The following ARFGEF2 variants were observed in gnomAD, a reference collection of about 807,000 sequenced individuals.
The protein encoded by ARFGEF2 is ARF guanine nucleotide exchange factor 2.
In ARFGEF2, 74 loss-of-function variants were observed where a neutral mutation model predicts 219.9. That is an observed-to-expected ratio of 0.34 (90% CI 0.28 to 0.41). The LOEUF is 0.41. ARFGEF2 is among the 10% of genes least tolerant of loss of function. ARFGEF2 has a pLI of 1.00. For synonymous variants in ARFGEF2, 733 were observed against 799.2 expected (o/e 0.92, Z 1.40); for missense variants, 1,743 against 2,218.3 (o/e 0.79, Z 4.30).
In ARFGEF2 at chr20:48,978,916, C is replaced by T. The variant is rs1453802367; in HGVS notation, c.1958+2717C>T. Reference sequence around the variant, plus strand: ...TCTAAACATACAATCATGTCATCTGCAAACAGGGACAATTTGACTTCCTCT... The same window carrying T: ...TCTAAACATACAATCATGTCATCTGTAAACAGGGACAATTTGACTTCCTCT... On this transcript the variant is annotated intron_variant, in intron 14 of 38. Coordinates refer to ENST00000371917, the MANE Select transcript of ARFGEF2 (RefSeq NM_006420.3). 2.0e-5 allele frequency among the ~76,000 whole-genome samples: 3 copies of T among 152,182 alleles called. No individual in the cohort carries two copies. The East Asian group carries it at 5.8e-4, about 29-fold the overall frequency.
intron 1 of ARFGEF2, among the ~76,000 whole-genome samples, chr20:48,929,126 TACTTG>T (rs1431134562): frequency 6.6e-6 from 1 of 152,240 alleles, no homozygotes. Flanking sequence ...GCCAGGAAAA[TACTTG>T]ACTTTCTTTC....
At chr20:48,957,018 G>T (rs1033196572) in intron 6 of ARFGEF2, among the ~76,000 whole-genome samples, 1 of 152,206 alleles carries the variant, frequency 6.6e-6, no homozygotes, top group Non-Finnish European at 1.5e-5. Context: ...AGAGAACAGG[G>T]ATGTGGGGAG....
intron 10 of ARFGEF2, among the ~76,000 whole-genome samples, chr20:48,971,782 TC>T (rs2091229775): frequency 6.6e-6 from 1 of 151,932 alleles, no homozygotes; most frequent in Admixed American, 6.6e-5. Flanking sequence ...GCGCCTGTAG[TC>T]CCAGCTACTC....
intron 4 of ARFGEF2, 34 bp downstream of exon 4, chr20:48,951,503 A>T: frequency 6.2e-7 from 1 of 1,613,898 alleles, no homozygotes; most frequent in Non-Finnish European, 8.5e-7. Context: ...TGGTTTTTAA[A>T]TTAGAAAGCA....
chr20:49,020,335 G>T (rs1206067112), intron 34 of ARFGEF2, among the ~76,000 whole-genome samples: 1 of 152,232 alleles, frequency 6.6e-6, no homozygotes, highest in African/African-American at 2.4e-5. Context: ...AATAAAAGTA[G>T]TCACCCTTGA....
Position 49,012,047 on chromosome 20 carries a change from T to C in ARFGEF2, c.3881T>C (p.Ile1294Thr). 6.2e-7 allele frequency: 1 copy of C among 1,614,136 alleles called. No individual in the cohort carries two copies. Reference sequence around the variant, plus strand: ...ACGAGCATGGAAGCGATTCGGCTCATCCGCTTCTGTGGCAAATACGTCTCT... The same window carrying C: ...ACGAGCATGGAAGCGATTCGGCTCACCCGCTTCTGTGGCAAATACGTCTCT... ...PDTSMEAIRL[I>T]RFCGKYVSER... The change falls in exon 28 of 39, where the codon ATC becomes ACC. Residue 1294 changes from isoleucine to threonine, a missense_variant. This residue lies in a region of ARFGEF2 where 578 missense variants were observed against 664.0 expected (regional missense o/e 0.87). Transcript: ENST00000371917.
intron 16 of ARFGEF2, 104 bp downstream of exon 16, chr20:48,985,717 A>G (rs2091323102): frequency 4.0e-6 from 5 of 1,263,236 alleles, no homozygotes; most frequent in South Asian, 2.6e-5. Context: ...GTGCCAAGCA[A>G]CTGAAGCTTT....
chr20:48,932,229 C>T (rs192697343), intron 1 of ARFGEF2, among the ~76,000 whole-genome samples: 1 of 152,232 alleles, frequency 6.6e-6, no homozygotes, highest in East Asian at 1.9e-4. Flanking sequence ...TGTAGGTTTG[C>T]TAACAGCAAG....
chr20:48,981,909 C>A, intron 14 of ARFGEF2, among the ~76,000 whole-genome samples: 1 of 152,148 alleles, frequency 6.6e-6, no homozygotes, highest in African/African-American at 2.4e-5. Flanking sequence ...TTCTTAGCTT[C>A]CTTGCGATGG....
intron 26 of ARFGEF2, among the ~76,000 whole-genome samples, chr20:49,009,720 C>T (rs903922839): frequency 1.3e-5 from 2 of 151,996 alleles, no homozygotes; most frequent in Non-Finnish European, 2.9e-5. Context: ...TACTCCAATC[C>T]ACATATATGT....
chr20:48,927,759 G>A (rs1185264021), intron 1 of ARFGEF2, among the ~76,000 whole-genome samples: 4 of 151,902 alleles, frequency 2.6e-5, no homozygotes, highest in Non-Finnish European at 5.9e-5. Context: ...GCAGAATAAA[G>A]CCTTTAATTT....
At chr20:49,001,162 G>A (rs2091422845) in intron 25 of ARFGEF2, among the ~76,000 whole-genome samples, 1 of 145,430 alleles carries the variant, frequency 6.9e-6, no homozygotes, top group Admixed American at 7.3e-5. Flanking sequence ...CCAGGTTCAA[G>A]CTATTCTCCT....
intron 35 of ARFGEF2, 46 bp downstream of exon 35, chr20:49,023,227 G>T: frequency 6.2e-7 from 1 of 1,611,746 alleles, no homozygotes; most frequent in Non-Finnish European, 8.5e-7. Context: ...CCATAGGGAG[G>T]TTGCTTTGAT....
chr20:49,033,182 C>T lies in ARFGEF2; in HGVS notation c.5341C>T (p.Leu1781=). 1 of 1,614,230 alleles carries T rather than the reference C, an allele frequency of 6.2e-7. No homozygotes were observed. The highest frequency in any genetic ancestry group is 1.1e-5 in the South Asian group (1 of 91,090). ...AGAGCCATCACAGGTACCAGCAGCA[C>T]TGTCACCAGTGTGGTAGCCCTGGCT... is the stretch of plus-strand genomic sequence containing the variant. ...PEEPSQVPAA[L]SPVW Residue 1781 remains leucine (L), a synonymous_variant, in exon 39 of 39, where the codon CTG becomes TTG. Coordinates refer to ENST00000371917, the MANE Select transcript of ARFGEF2 (RefSeq NM_006420.3).
chr20:48,985,520 C>T lies in ARFGEF2; in HGVS notation c.2183C>T (p.Thr728Ile). The T allele has an allele frequency of 6.2e-7, 1 of 1,614,200 alleles. No individual in the cohort carries two copies. Among genetic ancestry groups the T allele is most frequent in the Non-Finnish European group, 8.5e-7 (1 of 1,180,044 alleles). ...AAAGAATTTGTCTCAGCCCTGCGGA[C>T]ATTCCTAGAAGGTTTCCGCCTACCT... ...CEKEFVSALR[T>I]FLEGFRLPGE... The change falls in exon 16 of 39, where the codon ACA becomes ATA. Residue 728 changes from threonine (T) to isoleucine (I), a missense_variant. Coordinates refer to ENST00000371917, the MANE Select transcript of ARFGEF2 (RefSeq NM_006420.3).
chr20:48,942,112 G>GT (rs1203709303), intron 3 of ARFGEF2, 125 bp downstream of exon 3: 8 of 1,289,514 alleles, frequency 6.2e-6, no homozygotes, highest in Non-Finnish European at 8.7e-6. Context: ...GAAAGGAGCA[G>GT]TTTAACGTAT....
chr20:48,969,419 T>C, intron 9 of ARFGEF2, 142 bp downstream of exon 9: 3 of 1,473,542 alleles, frequency 2.0e-6, no homozygotes, highest in South Asian at 1.2e-5. Context: ...TTTACAACTT[T>C]TCAGACTCAT....
chr20:48,963,055 A>G (rs1051248959), intron 6 of ARFGEF2, among the ~76,000 whole-genome samples: 5 of 151,984 alleles, frequency 3.3e-5, no homozygotes, highest in African/African-American at 1.2e-4. Context: ...TAAAACTACA[A>G]AAATTAGCCG....
intron 1 of ARFGEF2, 143 bp downstream of exon 1, chr20:48,922,153 C>A: frequency 1.5e-6 from 2 of 1,327,816 alleles, no homozygotes; most frequent in Admixed American, 2.5e-5. Context: ...CCTCATTATA[C>A]CCCCGGAGGA....
Sources: allele counts gnomAD v4.1 joint callset (sites outside exome capture counted in the v4.1 genomes callset), GRCh38; gene constraint gnomAD v4.1.1; regional missense constraint gnomAD v4.1.1; transcripts MANE v1.5; gene names NCBI Gene and HGNC (gene_info 2026-07-23, HGNC 2026-07-21).